Variants in ZPBP observed in about 807,000 individuals in gnomAD.
ZPBP encodes zona pellucida binding protein.
ZPBP carries 26 observed loss-of-function variants against 44.8 expected under a neutral mutation model. The ratio of observed to expected loss-of-function variants is 0.58; its 90% CI spans 0.43 to 0.81. ZPBP has a LOEUF of 0.81. ZPBP is among the 30% of genes least tolerant of loss of function. ZPBP has a pLI of 0.00. For missense variants in ZPBP, 409 were observed against 434.0 expected (o/e 0.94, Z 0.51); for synonymous variants, 174 against 153.2 (o/e 1.14, Z -1.00).
chr7:49,851,413 T>C (rs1790173762), intron 2 of ZPBP, among the ~76,000 whole-genome samples: 1 of 152,230 alleles, frequency 6.6e-6, no homozygotes, highest in Non-Finnish European at 1.5e-5. Context: ...GCCTGGCTCA[T>C]AGCAGACGGG....
intron 2 of ZPBP, among the ~76,000 whole-genome samples, chr7:49,899,812 G>A (rs1157402143): frequency 1.3e-5 from 2 of 151,932 alleles, no homozygotes; most frequent in African/African-American, 4.8e-5. Flanking sequence ...AGAGTACCAT[G>A]AGTCAAGTGG....
chr7:50,035,969 A>G (rs1435235565), intron 4 of ZPBP, among the ~76,000 whole-genome samples: 1 of 152,180 alleles, frequency 6.6e-6, no homozygotes, highest in African/African-American at 2.4e-5. Flanking sequence ...AAAAAGAAAA[A>G]TCACCAAAGT....
At chr7:49,955,360 C>G (rs1013598744) in intron 7 of ZPBP, among the ~76,000 whole-genome samples, 1 of 152,034 alleles carries the variant, frequency 6.6e-6, no homozygotes, top group African/African-American at 2.4e-5. Flanking sequence ...CACTCAAGAC[C>G]AGCCTGGCTA....
rs184365770 is a variant in ZPBP at position 49,873,858 on chromosome 7, C to T, written n.510-23344G>A. 1.3e-3 allele frequency among the ~76,000 whole-genome samples: 202 copies of T among 150,632 alleles called. 1 individual carries two copies. The highest frequency in any genetic ancestry group is 4.7e-3 in the African/African-American group (192 of 40,804). ...ATTCATATAATGTACTACTACACAGCATTTATATTTATGCCAACATGGAGA... is the reference window on the plus strand; with the variant it reads ...ATTCATATAATGTACTACTACACAGTATTTATATTTATGCCAACATGGAGA... On this transcript the variant is annotated intron_variant and non_coding_transcript_variant, in intron 2 of 2. Coordinates refer to the ZPBP transcript ENST00000465922.
At chr7:49,876,288 GTAGT>G (rs1302116824) in intron 2 of ZPBP, among the ~76,000 whole-genome samples, 1 of 152,166 alleles carries the variant, frequency 6.6e-6, no homozygotes, top group Non-Finnish European at 1.5e-5. Flanking sequence ...GGGAGAAGTT[GTAGT>G]TAGTTTGGTG....
At chr7:49,934,274 T>C (rs150961585), downstream of ZPBP, among the ~76,000 whole-genome samples, 13 of 152,230 alleles carry the variant, frequency 8.5e-5, no homozygotes, top group East Asian at 2.5e-3. Flanking sequence ...TTCTCTGGAG[T>C]AAACAAACTT....
At chr7:50,007,928 AG>A (rs1284302042) in intron 6 of ZPBP, among the ~76,000 whole-genome samples, 2 of 152,066 alleles carry the variant, frequency 1.3e-5, no homozygotes, top group African/African-American at 4.8e-5. Context: ...CAATATTGAA[AG>A]ACTGAAAGCT....
chr7:49,984,530 T>A (rs1211339552), intron 6 of ZPBP, among the ~76,000 whole-genome samples: 2 of 152,204 alleles, frequency 1.3e-5, no homozygotes, highest in Non-Finnish European at 2.9e-5. Flanking sequence ...CTACTTTAGA[T>A]AATCAGGCAT....
At chr7:50,052,074 A>G (rs993238401) in intron 4 of ZPBP, among the ~76,000 whole-genome samples, 1 of 152,202 alleles carries the variant, frequency 6.6e-6, no homozygotes, top group African/African-American at 2.4e-5. Context: ...AAAAAGCATG[A>G]TTCACAAAAG....
At chr7:49,991,097 C>A in intron 6 of ZPBP, among the ~76,000 whole-genome samples, 1 of 151,898 alleles carries the variant, frequency 6.6e-6, no homozygotes, top group East Asian at 1.9e-4. Flanking sequence ...GGATAAATGA[C>A]TGTAATAATC....
At chr7:50,053,623 C>T (rs1355038) in intron 4 of ZPBP, among the ~76,000 whole-genome samples, 116,485 of 152,050 alleles carry the variant, frequency 0.77, 44,725 homozygotes, top group East Asian at 0.87. Flanking sequence ...TTATAGAAGA[C>T]AGATTATTCA....
chr7:50,051,240 C>A (rs1363504834), intron 4 of ZPBP, among the ~76,000 whole-genome samples: 1 of 152,166 alleles, frequency 6.6e-6, no homozygotes, highest in Admixed American at 6.5e-5. Flanking sequence ...AAGATACCAT[C>A]TCACACCAGT....
At chr7:50,073,523 A>G (rs1008196466) in intron 3 of ZPBP, among the ~76,000 whole-genome samples, 96 of 152,138 alleles carry the variant, frequency 6.3e-4, no homozygotes, top group African/African-American at 2.2e-3. Context: ...TCCCAAACCT[A>G]GACAAAGTCA....
chr7:50,055,903 G>T (rs893661127), intron 4 of ZPBP, among the ~76,000 whole-genome samples: 1 of 152,152 alleles, frequency 6.6e-6, no homozygotes. Flanking sequence ...GAAGTAACAA[G>T]ATGGAGATAA....
At chr7:50,043,428 A>C (rs971432622) in intron 4 of ZPBP, among the ~76,000 whole-genome samples, 1 of 152,150 alleles carries the variant, frequency 6.6e-6, no homozygotes, top group African/African-American at 2.4e-5. Context: ...TATTCAGGAG[A>C]TCCATCTCAC....
In ZPBP at chr7:49,991,100, T is replaced by C. The variant is rs551232010; in HGVS notation, c.784-7581A>G. On this transcript the variant is annotated intron_variant, in intron 6 of 7. Coordinates refer to ENST00000046087, the MANE Select transcript of ZPBP (RefSeq NM_007009.3). ...TGGGAATCTCTGGGATAAATGACTG[T>C]AATAATCAAAAGGGGTTGGAAAAAT... 4.6e-5 allele frequency among the ~76,000 whole-genome samples: 7 copies of C among 152,128 alleles called. No individual in the cohort carries two copies. The South Asian group carries it at 1.5e-3, about 32-fold the overall frequency.
chr7:49,944,616 C>T (rs945941118), intron 7 of ZPBP, among the ~76,000 whole-genome samples: 1 of 152,092 alleles, frequency 6.6e-6, no homozygotes, highest in Non-Finnish European at 1.5e-5. Flanking sequence ...TAGGCTGTAT[C>T]TGTCTGGGAA....
intron 7 of ZPBP, among the ~76,000 whole-genome samples, chr7:49,969,868 G>A (rs1216599934): frequency 6.8e-6 from 1 of 147,014 alleles, no homozygotes; most frequent in Non-Finnish European, 1.5e-5. Context: ...GAGAGAGACA[G>A]AGACAGAGAC....
intron 3 of ZPBP, among the ~76,000 whole-genome samples, chr7:50,069,935 C>T (rs1422455275): frequency 1.3e-5 from 2 of 152,102 alleles, no homozygotes; most frequent in Non-Finnish European, 2.9e-5. Context: ...GGATCTATGC[C>T]TCCCCACGTC....
Sources: allele counts gnomAD v4.1 joint callset (sites outside exome capture counted in the v4.1 genomes callset), GRCh38; gene constraint gnomAD v4.1.1; transcripts MANE v1.5; gene names NCBI Gene and HGNC (gene_info 2026-07-23, HGNC 2026-07-21).